NRG3: variants seen among roughly 807,000 people sequenced by gnomAD.
NRG3 encodes the protein neuregulin 3, also known as pro-neuregulin-3, membrane-bound isoform.
Under a neutral mutation model 66.9 loss-of-function variants are expected in NRG3, and 31 were observed. The ratio of observed to expected loss-of-function variants is 0.46; its 90% CI spans 0.35 to 0.63. The LOEUF (loss-of-function observed/expected upper bound fraction) is 0.63. NRG3 is among the 20% of genes least tolerant of loss of function. The pLI is 0.00. For missense variants in NRG3, 910 were observed against 878.9 expected (o/e 1.04, Z -0.45); for synonymous variants, 393 against 359.4 (o/e 1.09, Z -1.06).
intron 2 of NRG3, among the ~76,000 whole-genome samples, chr10:82,649,953 G>A (rs1286618870): frequency 6.6e-6 from 1 of 152,128 alleles, no homozygotes; most frequent in Non-Finnish European, 1.5e-5. Context: ...GACATTGGCA[G>A]TGAAAGACTA....
intron 2 of NRG3, among the ~76,000 whole-genome samples, chr10:82,620,087 C>A (rs1380259018): frequency 6.6e-6 from 1 of 152,162 alleles, no homozygotes; most frequent in Non-Finnish European, 1.5e-5. Flanking sequence ...TTCATGTGGA[C>A]CCTGAGGCGA....
chr10:82,426,530 G>A lies in NRG3; in HGVS notation c.953+67662G>A, dbSNP rs533029334. Among the ~76,000 whole-genome samples, 21 of 149,190 alleles carry A rather than the reference G, an allele frequency of 1.4e-4. No homozygotes were observed. The South Asian group carries it at 3.6e-3, about 25-fold the overall frequency. ...TTTTTAGCTTCTTTCTTGTTGTGAG[G>A]ACAGGAAATGGATGACAGCTTTCAA... On this transcript the variant is annotated intron_variant, in intron 2 of 8. Coordinates refer to ENST00000372141, the MANE Select transcript of NRG3 (RefSeq NM_001010848.4).
At chr10:82,398,522 TGTGTGAGAGA>T (rs1448216103) in intron 2 of NRG3, among the ~76,000 whole-genome samples, 34 of 142,152 alleles carry the variant, frequency 2.4e-4, no homozygotes, top group African/African-American at 9.2e-4. Flanking sequence ...TGTGTGTGTG[TGTGTGAGAGA>T]GAGAGAGAGA....
chr10:82,836,144 A>G lies in NRG3; in HGVS notation c.1028-29267A>G, dbSNP rs531984188. On this transcript the variant is annotated intron_variant, in intron 3 of 8. Coordinates refer to ENST00000372141, the MANE Select transcript of NRG3 (RefSeq NM_001010848.4). Reference sequence around the variant, plus strand: ...TAAAAAGTTGTATTAGAATATGGCCATACTCAGTTATTTACCTATTGTCTA... The same window carrying G: ...TAAAAAGTTGTATTAGAATATGGCCGTACTCAGTTATTTACCTATTGTCTA... 2.6e-4 allele frequency among the ~76,000 whole-genome samples: 39 copies of G among 152,290 alleles called. No individual in the cohort carries two copies. The South Asian group carries it at 8.1e-3, about 32-fold the overall frequency.
chr10:81,936,233 A>G (rs1847857808), intron 1 of NRG3, among the ~76,000 whole-genome samples: 1 of 152,182 alleles, frequency 6.6e-6, no homozygotes, highest in Non-Finnish European at 1.5e-5. Flanking sequence ...GGGGAGAAAT[A>G]TAAGAAAGGA....
At chr10:82,191,403 G>T (rs2074133666) in intron 1 of NRG3, among the ~76,000 whole-genome samples, 1 of 152,094 alleles carries the variant, frequency 6.6e-6, no homozygotes, top group Admixed American at 6.6e-5. Flanking sequence ...GGCCAATTAT[G>T]TATAAATGCA....
At chr10:82,713,687 G>T (rs182183536) in intron 2 of NRG3, among the ~76,000 whole-genome samples, 14 of 152,266 alleles carry the variant, frequency 9.2e-5, no homozygotes, top group Non-Finnish European at 1.3e-4. Context: ...TTTTATGAAA[G>T]ATTTATTTAA....
rs756392244 is a variant in NRG3 at position 82,717,007 on chromosome 10, T to C, written c.954-21570T>C. 3.5e-4 allele frequency among the ~76,000 whole-genome samples: 54 copies of C among 152,340 alleles called. 1 individual carries two copies. The highest frequency in any genetic ancestry group is 4.4e-5 in the Non-Finnish European group (3 of 68,042). On this transcript the variant is annotated intron_variant, in intron 2 of 8. Transcript: ENST00000372141. ...AGTTTATTAATATGGAATTGTATAGTCTTTCATTGGAACTAGTTATTTACT... is the reference window on the plus strand; with the variant it reads ...AGTTTATTAATATGGAATTGTATAGCCTTTCATTGGAACTAGTTATTTACT...
At chr10:82,586,428 G>A (rs775653252) in intron 2 of NRG3, among the ~76,000 whole-genome samples, 4 of 152,104 alleles carry the variant, frequency 2.6e-5, no homozygotes, top group Non-Finnish European at 5.9e-5. Flanking sequence ...GATAACAGCA[G>A]GATTGGACAG....
intron 1 of NRG3, among the ~76,000 whole-genome samples, chr10:82,205,895 C>G (rs2075094438): frequency 6.6e-6 from 1 of 152,184 alleles, no homozygotes; most frequent in African/African-American, 2.4e-5. Flanking sequence ...CATTTATGTT[C>G]TTTAATCCAA....
intron 4 of NRG3, among the ~76,000 whole-genome samples, chr10:82,930,165 A>G (rs895992304): frequency 2.0e-5 from 3 of 152,102 alleles, no homozygotes; most frequent in African/African-American, 7.2e-5. Context: ...GAAAGAAGAG[A>G]GATGGGAGTG....
At chr10:81,896,538 A>T (rs966802862) in intron 1 of NRG3, among the ~76,000 whole-genome samples, 6 of 152,154 alleles carry the variant, frequency 3.9e-5, no homozygotes, top group African/African-American at 1.4e-4. Context: ...ATATTTTTGG[A>T]GAAAGCTAAA....
intron 1 of NRG3, among the ~76,000 whole-genome samples, chr10:82,116,543 A>G (rs1803846444): frequency 6.6e-6 from 1 of 152,126 alleles, no homozygotes; most frequent in African/African-American, 2.4e-5. Flanking sequence ...TAATTAGAGG[A>G]TGAGGATCTC....
At chr10:81,891,462 A>G (rs977427840) in intron 1 of NRG3, among the ~76,000 whole-genome samples, 2 of 152,130 alleles carry the variant, frequency 1.3e-5, no homozygotes, top group Non-Finnish European at 2.9e-5. Context: ...TGCCTAGTCT[A>G]CCACTTCCAC....
At chr10:82,710,791 C>T (rs2056619024) in intron 2 of NRG3, among the ~76,000 whole-genome samples, 1 of 151,226 alleles carries the variant, frequency 6.6e-6, no homozygotes, top group South Asian at 2.1e-4. Flanking sequence ...ATGGCCTTTG[C>T]TTATGATTTT....
intron 3 of NRG3, among the ~76,000 whole-genome samples, chr10:82,763,481 CTT>C (rs2059402436): frequency 6.6e-6 from 1 of 151,994 alleles, no homozygotes; most frequent in Non-Finnish European, 1.5e-5. Context: ...TAAAACAAAA[CTT>C]AGACTTGTAG....
intron 2 of NRG3, among the ~76,000 whole-genome samples, chr10:82,577,703 G>A (rs918140946): frequency 9.9e-5 from 15 of 151,632 alleles, no homozygotes; most frequent in African/African-American, 3.6e-4. Context: ...TTTTATGGAT[G>A]TTTCATGAAT....
At chr10:82,240,005 C>T (rs544914025) in intron 1 of NRG3, among the ~76,000 whole-genome samples, 3 of 151,974 alleles carry the variant, frequency 2.0e-5, no homozygotes, top group African/African-American at 7.2e-5. Flanking sequence ...AAAATAAGTG[C>T]AAGTCATATT....
chr10:82,799,565 G>A (rs562756047), intron 3 of NRG3, among the ~76,000 whole-genome samples: 1 of 150,694 alleles, frequency 6.6e-6, no homozygotes, highest in Non-Finnish European at 1.5e-5. Flanking sequence ...TAACGTAAAG[G>A]AAATCTCTCT....
Sources: allele counts gnomAD v4.1 joint callset (sites outside exome capture counted in the v4.1 genomes callset), GRCh38; gene constraint gnomAD v4.1.1; transcripts MANE v1.5; gene names NCBI Gene and HGNC (gene_info 2026-07-23, HGNC 2026-07-21).